Variants in ONECUT2 observed in about 807,000 individuals in gnomAD.
ONECUT2 encodes the protein one cut homeobox 2.
In ONECUT2, 10 loss-of-function variants were observed where a neutral mutation model predicts 27.9. That is an observed-to-expected ratio of 0.36 (90% CI 0.22 to 0.61). The LOEUF is 0.61. ONECUT2 is among the 20% of genes least tolerant of loss of function. The pLI, the probability that ONECUT2 is intolerant of heterozygous loss-of-function variation, is 0.73. For missense variants in ONECUT2, 686 were observed against 721.0 expected (o/e 0.95, Z 0.56); for synonymous variants, 334 against 315.1 (o/e 1.06, Z -0.64).
intron 1 of ONECUT2, among the ~76,000 whole-genome samples, chr18:57,437,193 A>ACCCC (rs35937482): frequency 1.9e-4 from 28 of 145,776 alleles, no homozygotes; most frequent in African/African-American, 6.1e-4. Flanking sequence ...TCATTGACCG[A>ACCCC]CCCCCCCCCA....
chr18:57,451,379 A>T (rs769313805), intron 1 of ONECUT2, among the ~76,000 whole-genome samples: 1 of 152,210 alleles, frequency 6.6e-6, no homozygotes, highest in Non-Finnish European at 1.5e-5. Context: ...TCTGACACTG[A>T]GGCAGAGACA....
chr18:57,448,937 G>A (rs748230743), intron 1 of ONECUT2, among the ~76,000 whole-genome samples: 6 of 152,186 alleles, frequency 3.9e-5, no homozygotes, highest in African/African-American at 4.8e-5. Flanking sequence ...GGAAAAATTC[G>A]TCTTGGATGC....
At chr18:57,441,568 G>C (rs951663992) in intron 1 of ONECUT2, among the ~76,000 whole-genome samples, 50 of 152,264 alleles carry the variant, frequency 3.3e-4, no homozygotes, top group Non-Finnish European at 4.8e-4. Flanking sequence ...TTGCGCTTCC[G>C]GCGATCCGCC....
At chr18:57,454,274 T>G (rs73441032) in intron 1 of ONECUT2, among the ~76,000 whole-genome samples, 6,063 of 152,290 alleles carry the variant, frequency 0.04, 385 homozygotes, top group African/African-American at 0.14. Context: ...TGCTAAAATA[T>G]CTGCCATTAT....
chr18:57,455,034 G>A (rs1328796838), intron 1 of ONECUT2, among the ~76,000 whole-genome samples: 1 of 152,144 alleles, frequency 6.6e-6, no homozygotes, highest in Non-Finnish European at 1.5e-5. Context: ...CACAGGTTTG[G>A]GGGGCCTTAT....
chr18:57,476,867 T>C lies in ONECUT2; in HGVS notation c.*144T>C, dbSNP rs1041440839. The C allele has an allele frequency of 1.9e-5, 18 of 930,386 alleles. No homozygotes were observed. In the African/African-American group the frequency reaches 2.3e-4, roughly 12 times the overall value. The allele number at this position is 930,386 out of a possible 1,614,324, so 57.6% of individuals were successfully genotyped here. A position where few individuals can be genotyped will look rare whatever the true frequency, so the allele number is the denominator to read the frequency against. On this transcript the variant is annotated 3_prime_UTR_variant, in exon 2 of 2. Coordinates refer to ENST00000491143, the MANE Select transcript of ONECUT2 (RefSeq NM_004852.3). ...CACAATTCTCTTGCAAAGAAACTTA[T>C]ATTCTAGCTGTAATCATAGGCCAGG...
chr18:57,474,703 T>C (rs28722501), intron 1 of ONECUT2, among the ~76,000 whole-genome samples: 2 of 152,038 alleles, frequency 1.3e-5, no homozygotes, highest in African/African-American at 4.8e-5. Context: ...ACATATGAAT[T>C]TTTGGGGGGA....
At chr18:57,444,034 G>T (rs2050189024) in intron 1 of ONECUT2, among the ~76,000 whole-genome samples, 1 of 152,182 alleles carries the variant, frequency 6.6e-6, no homozygotes, top group Non-Finnish European at 1.5e-5. Flanking sequence ...AACTGGTATT[G>T]ACTTGAAGTC....
intron 1 of ONECUT2, among the ~76,000 whole-genome samples, chr18:57,464,079 G>A (rs1168668418): frequency 6.6e-6 from 1 of 151,744 alleles, no homozygotes; most frequent in Non-Finnish European, 1.5e-5. Flanking sequence ...GAAGTATGGA[G>A]TCACACTACC....
At position 57,486,853 on chromosome 18, in the gene ONECUT2, A is replaced by T. The variant is rs1469727832; in HGVS notation, c.*10130A>T. 1 of 152,626 alleles carries T rather than the reference A, an allele frequency of 6.6e-6. No homozygotes were observed. Among genetic ancestry groups the T allele is most frequent in the Admixed American group, 6.5e-5 (1 of 15,278 alleles). 9.5% of individuals were successfully genotyped at this position (152,626 alleles called of 1,614,324 possible). A position where few individuals can be genotyped will look rare whatever the true frequency, so the allele number is the denominator to read the frequency against. ...TTCTACATTTGTGCCACTTGGTCTG[A>T]ACAATTAATTGTTCCGTGTTAACAG... On this transcript the variant is annotated 3_prime_UTR_variant, in exon 2 of 2. Coordinates refer to ENST00000491143, the MANE Select transcript of ONECUT2 (RefSeq NM_004852.3).
At chr18:57,447,036 G>A (rs1271981559) in intron 1 of ONECUT2, among the ~76,000 whole-genome samples, 5 of 152,222 alleles carry the variant, frequency 3.3e-5, no homozygotes, top group Admixed American at 1.3e-4. Flanking sequence ...AAAGAGATAT[G>A]CCAAATCAGC....
intron 1 of ONECUT2, among the ~76,000 whole-genome samples, chr18:57,443,544 T>C (rs1046121724): frequency 6.6e-6 from 1 of 152,208 alleles, no homozygotes; most frequent in Non-Finnish European, 1.5e-5. Flanking sequence ...ACCCAGGCTT[T>C]TTCCCTAACC....
In ONECUT2 at chr18:57,436,583, G is replaced by A; in HGVS notation, c.867G>A (p.Met289Ile). Residue 289 changes from methionine (M) to isoleucine (I), a missense_variant, in exon 1 of 2, where the codon ATG (methionine) becomes ATA (isoleucine). Physicochemically the swap from Met to Ile is conservative, Grantham distance 10. Around this residue, in one of 4 missense-constraint regions of ONECUT2, gnomAD observed 511 missense variants for 488.1 expected, o/e 1.05. Transcript: ENST00000491143. This position sits in a 1 kb window ranked among gnomAD's most constrained non-coding sequence, Gnocchi z 5.9. ...RGLGTPPAAM[M>I]SHLNGLHHPG... Reference sequence around the variant, plus strand: ...TGGGCACCCCACCTGCGGCCATGATGTCGCACCTGAACGGCCTGCACCACC... The same window carrying A: ...TGGGCACCCCACCTGCGGCCATGATATCGCACCTGAACGGCCTGCACCACC... 6.2e-7 allele frequency: 1 copy of A among 1,610,656 alleles called. No homozygotes were observed. The highest frequency in any genetic ancestry group is 1.1e-5 in the South Asian group (1 of 91,074).
At position 57,479,383 on chromosome 18, in the gene ONECUT2, G is replaced by T. The variant is rs926458140; in HGVS notation, c.*2660G>T. 18 of 152,660 alleles carry T rather than the reference G, an allele frequency of 1.2e-4. No homozygotes were observed. The highest frequency in any genetic ancestry group is 4.1e-4 in the African/African-American group (17 of 41,540). 9.5% of individuals were successfully genotyped at this position (152,660 alleles called of 1,614,324 possible). A position where few individuals can be genotyped will look rare whatever the true frequency, so the allele number is the denominator to read the frequency against. Reference sequence around the variant, plus strand: ...ACATATATAGATCAACTTGACATTGGTGATAACCAAAATTATTGCTGTCCA... The same window carrying T: ...ACATATATAGATCAACTTGACATTGTTGATAACCAAAATTATTGCTGTCCA... On this transcript the variant is annotated 3_prime_UTR_variant, in exon 2 of 2. Coordinates refer to ENST00000491143, the MANE Select transcript of ONECUT2 (RefSeq NM_004852.3).
At chr18:57,458,572 A>G (rs1452267045) in intron 1 of ONECUT2, among the ~76,000 whole-genome samples, 1 of 152,194 alleles carries the variant, frequency 6.6e-6, no homozygotes, top group Non-Finnish European at 1.5e-5. Context: ...CATTTATTGC[A>G]TAGTGTCCTA....
intron 1 of ONECUT2, among the ~76,000 whole-genome samples, chr18:57,461,504 G>C (rs1476492188): frequency 6.6e-6 from 1 of 152,154 alleles, no homozygotes; most frequent in African/African-American, 2.4e-5. Context: ...TTCAAGTATG[G>C]GTAGTTTATT....
Position 57,487,177 on chromosome 18 carries a change from C to A in ONECUT2, c.*10454C>A, listed in dbSNP as rs1208994259. 1 of 152,532 alleles carries A rather than the reference C, an allele frequency of 6.6e-6. No individual in the cohort carries two copies. Among genetic ancestry groups the A allele is most frequent in the African/African-American group, 2.4e-5 (1 of 41,418 alleles). 9.4% of individuals were successfully genotyped at this position (152,532 alleles called of 1,614,324 possible). A position where few individuals can be genotyped will look rare whatever the true frequency, so the allele number is the denominator to read the frequency against. Reference sequence around the variant, plus strand: ...AAATACCCTTTACATCTGTTGGGATCTGAAAATGAGTCACATTGAATTGGG... The same window carrying A: ...AAATACCCTTTACATCTGTTGGGATATGAAAATGAGTCACATTGAATTGGG... On this transcript the variant is annotated 3_prime_UTR_variant, in exon 2 of 2. Coordinates refer to ENST00000491143, the MANE Select transcript of ONECUT2 (RefSeq NM_004852.3).
chr18:57,468,645 G>GTGGAA (rs1435733925), intron 1 of ONECUT2, among the ~76,000 whole-genome samples: 3 of 152,204 alleles, frequency 2.0e-5, no homozygotes. Context: ...GGCCAGTGGA[G>GTGGAA]CTGCTTAGAG....
At chr18:57,473,481 C>G (rs2050365133) in intron 1 of ONECUT2, among the ~76,000 whole-genome samples, 1 of 152,162 alleles carries the variant, frequency 6.6e-6, no homozygotes, top group African/African-American at 2.4e-5. Flanking sequence ...ATGAGGAAGA[C>G]AGGCACAAAG....
Sources: allele counts gnomAD v4.1 joint callset (sites outside exome capture counted in the v4.1 genomes callset), GRCh38; gene constraint gnomAD v4.1.1; regional missense constraint gnomAD v4.1.1; non-coding constraint Gnocchi (gnomAD v3.1); transcripts MANE v1.5; gene names NCBI Gene and HGNC (gene_info 2026-07-23, HGNC 2026-07-21).